Variants in NCOA2 observed in about 807,000 individuals in gnomAD.
NCOA2 encodes class E basic helix-loop-helix protein 75.
Under a neutral mutation model 145.1 loss-of-function variants are expected in NCOA2, and 21 were observed. The ratio of observed to expected loss-of-function variants is 0.14; its 90% CI spans 0.10 to 0.21. The LOEUF is 0.21. NCOA2 is among the 10% of genes least tolerant of loss of function. The pLI is 1.00. For missense variants in NCOA2, 1,472 were observed against 1,837.6 expected (o/e 0.80, Z 3.64); for synonymous variants, 619 against 637.5 (o/e 0.97, Z 0.44).
Position 70,306,631 on chromosome 8 carries a change from G to A in NCOA2, c.-76-9831C>T, listed in dbSNP as rs547265009. 2.6e-5 allele frequency among the ~76,000 whole-genome samples: 4 copies of A among 152,284 alleles called. No homozygotes were observed. The South Asian group carries it at 8.3e-4, about 32-fold the overall frequency. ...TCAGTGGCTTATGTCTGTAATCCCA[G>A]CACTTCGGGAGGCTGAGGTGGGAGG... On this transcript the variant is annotated intron_variant, in intron 1 of 22. Transcript: ENST00000452400.
At chr8:70,249,977 A>AAAAAAAAAAGAAG in intron 2 of NCOA2, among the ~76,000 whole-genome samples, 2 of 137,976 alleles carry the variant, frequency 1.4e-5, no homozygotes, top group Non-Finnish European at 3.1e-5. Flanking sequence ...AAAAAAAAAA[A>AAAAAAAAAAGAAG]AAGAAGAAGA....
the NCOA2 span, among the ~76,000 whole-genome samples, chr8:70,446,697 TC>T: frequency 6.6e-6 from 1 of 152,210 alleles, no homozygotes; most frequent in Non-Finnish European, 1.5e-5. Flanking sequence ...GCTCAGTTTT[TC>T]CATCTGATGG....
chr8:70,192,912 C>A (rs1311753105), intron 4 of NCOA2, among the ~76,000 whole-genome samples: 2 of 151,778 alleles, frequency 1.3e-5, no homozygotes, highest in East Asian at 1.9e-4. Context: ...ACTAAAAATA[C>A]GAAAATTAGC....
At chr8:70,126,431 G>C (rs1808416803) in intron 19 of NCOA2, among the ~76,000 whole-genome samples, 1 of 152,132 alleles carries the variant, frequency 6.6e-6, no homozygotes, top group South Asian at 2.1e-4. Context: ...TGTATCTATT[G>C]ATTTGTTTGA....
intron 4 of NCOA2, 30 bp downstream of exon 4, chr8:70,213,873 C>T (rs1819312296): frequency 1.3e-6 from 2 of 1,531,450 alleles, no homozygotes; most frequent in East Asian, 2.3e-5. Context: ...ACCAATTCAA[C>T]TCTTCAAAAT....
At chr8:70,117,621 C>T (rs1268591227) in intron 22 of NCOA2, among the ~76,000 whole-genome samples, 3 of 152,140 alleles carry the variant, frequency 2.0e-5, no homozygotes, top group Admixed American at 2.0e-4. Flanking sequence ...TGCATAAAAC[C>T]CCTTAGAAAA....
At chr8:70,114,529 A>G (rs1212447962) in intron 22 of NCOA2, among the ~76,000 whole-genome samples, 1 of 152,250 alleles carries the variant, frequency 6.6e-6, no homozygotes, top group Non-Finnish European at 1.5e-5. Flanking sequence ...CATCTATTAC[A>G]TGCTAGGTGC....
rs112405018 is a variant in NCOA2, at chr8:70,249,816, T to C, written c.-19-33052A>G. ...TGCCTCAACTAAAAATATGAAAAATTAGATGGGCGTGGTGGTGTGTGCCTG... is the reference window on the plus strand; with the variant it reads ...TGCCTCAACTAAAAATATGAAAAATCAGATGGGCGTGGTGGTGTGTGCCTG... On this transcript the variant is annotated intron_variant, in intron 2 of 22. Transcript: ENST00000452400. Among the ~76,000 whole-genome samples, 1,144 of 149,518 alleles carry C rather than the reference T, an allele frequency of 7.7e-3. 4 individuals carry two copies. The highest frequency in any genetic ancestry group is 0.013 in the Non-Finnish European group (864 of 67,320).
In NCOA2 at chr8:70,174,738, A is replaced by G; in HGVS notation, c.363+18T>C. On this transcript the variant is annotated intron_variant, in intron 5 of 22. Coordinates refer to ENST00000452400, the MANE Select transcript of NCOA2 (RefSeq NM_006540.4). ...CAACAAGATTTTAAAATACAGCACT[A>G]AAATGAAGATGTGCTACCTCAAGCA... 1 of 1,597,666 alleles carries G rather than the reference A, an allele frequency of 6.3e-7. No individual in the cohort carries two copies. Among genetic ancestry groups the G allele is most frequent in the South Asian group, 1.1e-5 (1 of 90,734 alleles).
At chr8:70,249,981 AAGAAGAAGAAG>A (rs1822996594) in intron 2 of NCOA2, among the ~76,000 whole-genome samples, 2 of 105,438 alleles carry the variant, frequency 1.9e-5, no homozygotes, top group African/African-American at 6.5e-5. Flanking sequence ...AAAAAAAAAG[AAGAAGAAGAAG>A]AAGAAGAAGA....
upstream of NCOA2, among the ~76,000 whole-genome samples, chr8:70,404,503 C>G (rs1387235816): frequency 6.6e-6 from 1 of 152,210 alleles, no homozygotes; most frequent in Non-Finnish European, 1.5e-5. Flanking sequence ...CGCTGCTCCC[C>G]GGAGGCGCCC....
chr8:70,140,109 G>A (rs899814983), intron 14 of NCOA2, among the ~76,000 whole-genome samples: 7 of 152,136 alleles, frequency 4.6e-5, no homozygotes, highest in Non-Finnish European at 8.8e-5. Flanking sequence ...TTTATTGAGA[G>A]ATAATTCACA....
At chr8:70,350,953 A>G (rs951799983) in intron 1 of NCOA2, among the ~76,000 whole-genome samples, 2 of 152,198 alleles carry the variant, frequency 1.3e-5, no homozygotes, top group Non-Finnish European at 2.9e-5. Context: ...GGGAAGTCCA[A>G]TATCAAGATG....
intron 4 of NCOA2, among the ~76,000 whole-genome samples, chr8:70,202,619 T>C (rs536856875): frequency 2.0e-5 from 3 of 152,274 alleles, no homozygotes; most frequent in African/African-American, 7.2e-5. Context: ...CCTTGTTTTA[T>C]TCATATAAGG....
chr8:70,155,161 A>G lies in NCOA2; in HGVS notation c.2394+810T>C, dbSNP rs539404025. ...AGCACATAATGTAGCCTATTATTCT[A>G]GTTTTGAATTTACATACCATGGCTC... On this transcript the variant is annotated intron_variant, in intron 11 of 22. Coordinates refer to ENST00000452400, the MANE Select transcript of NCOA2 (RefSeq NM_006540.4). Among the ~76,000 whole-genome samples, 5 of 152,342 alleles carry G rather than the reference A, an allele frequency of 3.3e-5. No homozygotes were observed. In the South Asian group the frequency reaches 1.0e-3, roughly 32 times the overall value.
Position 70,204,955 on chromosome 8 carries a change from C to T in NCOA2, c.259+8948G>A, listed in dbSNP as rs532826096. 5.9e-5 allele frequency among the ~76,000 whole-genome samples: 9 copies of T among 152,280 alleles called. No individual in the cohort carries two copies. The South Asian group carries it at 1.2e-3, about 21-fold the overall frequency. Reference sequence around the variant, plus strand: ...CCCGGGAGGCAGAGGTTGCAGTGAGCGGAGATCGTACCATTGCACTCTGGC... The same window carrying T: ...CCCGGGAGGCAGAGGTTGCAGTGAGTGGAGATCGTACCATTGCACTCTGGC... On this transcript the variant is annotated intron_variant, in intron 4 of 22. Transcript: ENST00000452400.
chr8:70,349,893 T>C (rs982148798), intron 1 of NCOA2, among the ~76,000 whole-genome samples: 2 of 152,064 alleles, frequency 1.3e-5, no homozygotes, highest in African/African-American at 4.8e-5. Flanking sequence ...AACTGACTTT[T>C]ATAAAATTCC....
At chr8:70,194,861 T>C (rs1262713598) in intron 4 of NCOA2, among the ~76,000 whole-genome samples, 1 of 152,166 alleles carries the variant, frequency 6.6e-6, no homozygotes, top group Non-Finnish European at 1.5e-5. Context: ...TTCTTCCAAA[T>C]GGCAGACAAA....
In NCOA2 at chr8:70,155,978, C is replaced by T. The variant is rs748277738; in HGVS notation, c.2387G>A (p.Gly796Asp). ...AGATGTGATAAAACTTACCTGGTCA[C>T]CAGGCTCAAAGCTCATCTCCTCCTT... ...TEKEEMSFEP[G>D]DQPGSELDNL... is the part of the protein sequence containing the mutation. Residue 796 changes from glycine (G) to aspartate (D), a missense_variant, in exon 11 of 23, where the codon GGT (glycine) becomes GAT (aspartate). Around this residue, in one of 4 missense-constraint regions of NCOA2, gnomAD observed 953 missense variants for 1,062.1 expected, o/e 0.90. Coordinates refer to ENST00000452400, the MANE Select transcript of NCOA2 (RefSeq NM_006540.4). 5 of 1,567,170 alleles carry T rather than the reference C, an allele frequency of 3.2e-6. No homozygotes were observed. The highest frequency in any genetic ancestry group is 1.2e-5 in the South Asian group (1 of 82,326).
Sources: allele counts gnomAD v4.1 joint callset (sites outside exome capture counted in the v4.1 genomes callset), GRCh38; gene constraint gnomAD v4.1.1; regional missense constraint gnomAD v4.1.1; transcripts MANE v1.5; gene names NCBI Gene and HGNC (gene_info 2026-07-23, HGNC 2026-07-21).